The following DLG2 variants were observed in gnomAD, a reference collection of about 807,000 sequenced individuals.
DLG2 encodes the protein disks large homolog 2.
In DLG2, 45 loss-of-function variants were observed where a neutral mutation model predicts 132.5. That is an observed-to-expected ratio of 0.34 (90% CI 0.27 to 0.44). DLG2 has a LOEUF of 0.44. Among genes scored for constraint, DLG2 ranks in the 20% least tolerant of loss-of-function variants. DLG2 has a pLI of 1.00. For missense variants in DLG2, 1,045 were observed against 1,196.9 expected, an observed-to-expected ratio of 0.87 and a Z score of 1.87; for synonymous variants, 424 against 419.6, an observed-to-expected ratio of 1.01 and a Z score of -0.13.
intron 8 of DLG2, among the ~76,000 whole-genome samples, chr11:84,179,388 T>C (rs917830502): frequency 1.6e-4 from 25 of 152,042 alleles, no homozygotes; most frequent in African/African-American, 5.1e-4. Flanking sequence ...GTCAGATAGG[T>C]AGACACAAAG....
rs188936838 is a variant in DLG2, at chr11:84,013,967, C to T, written c.920-33325G>A. ...TCTTGACTGGACCTGGAGATGCTAA[C>T]TTCTCATGGCTAGAAAGCTGCTCTT... On this transcript the variant is annotated intron_variant, in intron 11 of 27. Transcript: ENST00000376104. 8.0e-3 allele frequency among the ~76,000 whole-genome samples: 1,200 copies of T among 150,364 alleles called. 19 individuals carry two copies. The highest frequency in any genetic ancestry group is 0.028 in the African/African-American group (1,140 of 41,158).
Position 84,230,892 on chromosome 11 carries a change from A to G in DLG2, c.573+20346T>C, listed in dbSNP as rs113078263. On this transcript the variant is annotated intron_variant, in intron 8 of 27. Coordinates refer to ENST00000376104, the MANE Select transcript of DLG2 (RefSeq NM_001142699.3). ...GCAGTATTGGTTATAGTGGAAATACAAGAACTTGAAGAATAAAAAGAATAA... is the reference window on the plus strand; with the variant it reads ...GCAGTATTGGTTATAGTGGAAATACGAGAACTTGAAGAATAAAAAGAATAA... Among the ~76,000 whole-genome samples, 323 of 152,340 alleles carry G rather than the reference A, an allele frequency of 2.1e-3. 3 individuals are homozygous for G. The highest frequency in any genetic ancestry group is 0.02 in the South Asian group (96 of 4,824).
chr11:85,134,461 G>T (rs1218111726), intron 5 of DLG2, among the ~76,000 whole-genome samples: 1 of 143,336 alleles, frequency 7.0e-6, no homozygotes, highest in South Asian at 2.2e-4. Flanking sequence ...CCCGGGAGGC[G>T]GAGCTTGCAG....
At chr11:84,692,700 A>G (rs1361411798) in intron 6 of DLG2, among the ~76,000 whole-genome samples, 1 of 151,752 alleles carries the variant, frequency 6.6e-6, no homozygotes, top group Non-Finnish European at 1.5e-5. Flanking sequence ...CACTATGCAA[A>G]GAGCTTTCAC....
chr11:84,197,036 C>CAA (rs60877284), intron 8 of DLG2, among the ~76,000 whole-genome samples: 29 of 87,896 alleles, frequency 3.3e-4, no homozygotes, highest in African/African-American at 5.3e-4. Context: ...GACTCTTTCT[C>CAA]AAAAAAAAAA....
At chr11:84,877,177 G>A (rs141908574) in intron 6 of DLG2, among the ~76,000 whole-genome samples, 6,200 of 152,140 alleles carry the variant, frequency 0.041, 272 homozygotes, top group East Asian at 0.25. Flanking sequence ...TTGGGGTGGA[G>A]ACTTCTGTAG....
intron 21 of DLG2, among the ~76,000 whole-genome samples, chr11:83,501,099 A>G (rs1451084477): frequency 1.3e-5 from 2 of 151,998 alleles, no homozygotes; most frequent in South Asian, 2.1e-4. Context: ...TGTTGAAATT[A>G]TTTTTAAATT....
intron 3 of DLG2, among the ~76,000 whole-genome samples, chr11:85,458,887 G>C (rs546780064): frequency 5.9e-5 from 9 of 152,140 alleles, no homozygotes; most frequent in Non-Finnish European, 1.3e-4. Flanking sequence ...GGGACTCTTG[G>C]GCAGAAGGGG....
chr11:85,332,861 G>T (rs1003629634), intron 3 of DLG2, among the ~76,000 whole-genome samples: 1 of 152,182 alleles, frequency 6.6e-6, no homozygotes, highest in Non-Finnish European at 1.5e-5. Flanking sequence ...TAGACTTGTA[G>T]TATAGTTTGA....
intron 7 of DLG2, chr11:84,273,001 A>G (rs764566692): frequency 6.6e-6 from 4 of 601,770 alleles, no homozygotes; most frequent in Non-Finnish European, 1.0e-5. Context: ...ACAGAGAAAA[A>G]CCATATATTT....
At chr11:84,213,243 T>A (rs1469654568) in intron 8 of DLG2, among the ~76,000 whole-genome samples, 2 of 152,200 alleles carry the variant, frequency 1.3e-5, no homozygotes, top group Non-Finnish European at 2.9e-5. Context: ...ATACCCTTTG[T>A]AGTCATCTCA....
intron 16 of DLG2, among the ~76,000 whole-genome samples, chr11:83,854,283 A>G (rs191516683): frequency 9.2e-5 from 14 of 152,254 alleles, no homozygotes; most frequent in Middle Eastern, 3.4e-3. Context: ...AATACTCAAT[A>G]TTGTCAACAT....
At chr11:84,347,369 T>C (rs1031925741) in intron 7 of DLG2, among the ~76,000 whole-genome samples, 3 of 152,232 alleles carry the variant, frequency 2.0e-5, no homozygotes, top group African/African-American at 4.8e-5. Flanking sequence ...GTTCTACTTA[T>C]AATTTTTGTT....
chr11:85,470,452 G>T (rs887446152), intron 3 of DLG2, among the ~76,000 whole-genome samples: 39 of 152,174 alleles, frequency 2.6e-4, no homozygotes, highest in Non-Finnish European at 4.3e-4. Context: ...GCCAGGTATT[G>T]TGGCTCATGC....
intron 6 of DLG2, among the ~76,000 whole-genome samples, chr11:85,045,969 T>G (rs1348108975): frequency 6.6e-6 from 1 of 152,050 alleles, no homozygotes; most frequent in Non-Finnish European, 1.5e-5. Context: ...ATGATGCCAG[T>G]GAAAAGCTTC....
intron 7 of DLG2, among the ~76,000 whole-genome samples, chr11:84,354,866 A>C (rs992284658): frequency 1.1e-4 from 16 of 152,214 alleles, no homozygotes; most frequent in Non-Finnish European, 1.8e-4. Context: ...TGAAGACCTG[A>C]AAGTAGAGAC....
At chr11:84,033,488 A>G (rs1394842250) in intron 11 of DLG2, among the ~76,000 whole-genome samples, 3 of 152,240 alleles carry the variant, frequency 2.0e-5, no homozygotes, top group Non-Finnish European at 2.9e-5. Context: ...GAAAAAGCAA[A>G]GAAAGTGGTT....
chr11:83,548,462 A>T (rs2096293843), intron 19 of DLG2, among the ~76,000 whole-genome samples: 1 of 152,160 alleles, frequency 6.6e-6, no homozygotes, highest in Non-Finnish European at 1.5e-5. Flanking sequence ...GCTAAAACAG[A>T]GGACAAGAAA....
At chr11:84,573,827 TA>T (rs1183376880) in intron 6 of DLG2, among the ~76,000 whole-genome samples, 1 of 152,184 alleles carries the variant, frequency 6.6e-6, no homozygotes, top group East Asian at 1.9e-4. Flanking sequence ...TGTTAGTCCA[TA>T]ACAATCATTC....
Sources: allele counts gnomAD v4.1 joint callset (sites outside exome capture counted in the v4.1 genomes callset), GRCh38; gene constraint gnomAD v4.1.1; transcripts MANE v1.5; gene names NCBI Gene and HGNC (gene_info 2026-07-23, HGNC 2026-07-21).